The following ZFHX3 variants were observed in gnomAD, a reference collection of about 807,000 sequenced individuals.
ZFHX3 encodes the protein zinc finger homeobox 3.
In ZFHX3, 42 loss-of-function variants were observed where a neutral mutation model predicts 279.1. The ratio of observed to expected loss-of-function variants is 0.15; its 90% CI spans 0.12 to 0.19. The LOEUF is 0.19. Ranked by LOEUF, ZFHX3 falls within the 10% of genes least tolerant of loss-of-function variation. The pLI is 1.00. For synonymous variants in ZFHX3, 2,293 were observed against 1,957.8 expected (o/e 1.17, Z -4.52); for missense variants, 4,981 against 4,754.0 (o/e 1.05, Z -1.40).
chr16:73,028,335 G>C (rs1300823016), intron 1 of ZFHX3, among the ~76,000 whole-genome samples: 1 of 152,160 alleles, frequency 6.6e-6, no homozygotes, highest in Non-Finnish European at 1.5e-5. Flanking sequence ...ATCCATCAAG[G>C]TGCCGGACAG....
At chr16:73,583,241 C>T (rs776779132) in intron 2 of ZFHX3, among the ~76,000 whole-genome samples, 1 of 152,106 alleles carries the variant, frequency 6.6e-6, no homozygotes, top group Non-Finnish European at 1.5e-5. Flanking sequence ...AATATCTATT[C>T]CAGATGAATA....
chr16:73,515,731 A>C (rs917300998), intron 2 of ZFHX3, among the ~76,000 whole-genome samples: 3 of 152,204 alleles, frequency 2.0e-5, no homozygotes, highest in African/African-American at 4.8e-5. Flanking sequence ...ATCTGGGATC[A>C]TTTAAAATCT....
intron 4 of ZFHX3, among the ~76,000 whole-genome samples, chr16:73,310,824 T>A (rs1865202010): frequency 6.6e-6 from 1 of 152,096 alleles, no homozygotes; most frequent in Admixed American, 6.6e-5. Context: ...TGTTTTCAAT[T>A]ATAACTTGAT....
Position 72,796,973 on chromosome 16 carries a change from G to C in ZFHX3, c.5709C>G (p.Thr1903=), listed in dbSNP as rs1388581516. The part of the protein sequence containing the change: ...RDSAEGGEGN[T]GPKETLPDAL... ...CATCTGGCAGTGTTTCCTTCGGACC[G>C]GTGTTGCCCTCTCCCCCCTCGGCGC... The change falls in exon 9 of 10, where the codon ACC becomes ACG. Residue 1903 remains threonine (T), a synonymous_variant. Transcript: ENST00000268489. The C allele has an allele frequency of 6.2e-7, 1 of 1,613,766 alleles. No homozygotes were observed. The highest frequency in any genetic ancestry group is 1.3e-5 in the African/African-American group (1 of 74,812).
intron 8 of ZFHX3, among the ~76,000 whole-genome samples, chr16:73,064,864 C>G (rs528509972): frequency 1.3e-4 from 20 of 152,360 alleles, no homozygotes; most frequent in African/African-American, 4.6e-4. Flanking sequence ...GGGTTCCACA[C>G]CGCCTGCACC....
At chr16:73,424,882 T>A (rs1023918215) in intron 3 of ZFHX3, among the ~76,000 whole-genome samples, 3 of 152,142 alleles carry the variant, frequency 2.0e-5, no homozygotes, top group African/African-American at 7.2e-5. Flanking sequence ...AAAGAGTTCG[T>A]TATTCTATAG....
At chr16:73,258,316 G>A (rs114109403) in intron 4 of ZFHX3, among the ~76,000 whole-genome samples, 391 of 147,808 alleles carry the variant, frequency 2.6e-3, no homozygotes, top group African/African-American at 8.9e-3. Flanking sequence ...TATATTCATC[G>A]TTCCCTATTA....
In ZFHX3 at chr16:72,892,595, C is replaced by T. The variant is rs560234378; in HGVS notation, c.3217-2633G>A. 5.3e-5 allele frequency among the ~76,000 whole-genome samples: 8 copies of T among 151,652 alleles called. No homozygotes were observed. The South Asian group carries it at 1.7e-3, about 32-fold the overall frequency. On this transcript the variant is annotated intron_variant, in intron 3 of 9. Transcript: ENST00000268489. The stretch of plus-strand genomic sequence containing the variant: ...TAATCTTGGCTCATTGCAACCTCTG[C>T]CTCCTGGATTCAAGCAATTCTCCTG...
rs2035856875 is a variant in ZFHX3 at position 72,795,156 on chromosome 16, A to G, written c.7526T>C (p.Leu2509Pro). ...AGGAGTTGATGTGTGGAGGGGCTTG[A>G]GGGGCAGGTGGGAGAGCTGGGAAGG... ...PSPSQLSHLP[L>P]KPLHTSTPQQ... Residue 2509 changes from leucine to proline, a missense_variant, in exon 9 of 10, where the codon CTC becomes CCC. Physicochemically the swap from Leu to Pro is moderately conservative, Grantham distance 98. Coordinates refer to ENST00000268489, the MANE Select transcript of ZFHX3 (RefSeq NM_006885.4). 1 of 1,595,128 alleles carries G rather than the reference A, an allele frequency of 6.3e-7. No homozygotes were observed. The highest frequency in any genetic ancestry group is 1.1e-5 in the South Asian group (1 of 90,220).
At chr16:73,028,786 G>A (rs747574147) in intron 1 of ZFHX3, among the ~76,000 whole-genome samples, 2 of 62,266 alleles carry the variant, frequency 3.2e-5, no homozygotes, top group South Asian at 6.6e-4. Flanking sequence ...CCACAGCCCC[G>A]GGGCACCCAA....
At chr16:73,204,875 C>A (rs959191990) in intron 5 of ZFHX3, among the ~76,000 whole-genome samples, 1 of 152,222 alleles carries the variant, frequency 6.6e-6, no homozygotes, top group Non-Finnish European at 1.5e-5. Context: ...AGTTAGGCAA[C>A]TTGCCCATAG....
chr16:72,931,383 G>A (rs1959788416), intron 3 of ZFHX3, among the ~76,000 whole-genome samples: 1 of 147,908 alleles, frequency 6.8e-6, no homozygotes, highest in South Asian at 2.2e-4. Flanking sequence ...CAGAGATTCT[G>A]GGATTAGCCA....
chr16:73,001,831 G>C (rs898835638), intron 1 of ZFHX3, among the ~76,000 whole-genome samples: 10 of 151,890 alleles, frequency 6.6e-5, no homozygotes, highest in Admixed American at 5.9e-4. Context: ...AAAAAAAAGG[G>C]GGGGAAAGAA....
intron 4 of ZFHX3, among the ~76,000 whole-genome samples, chr16:73,262,921 A>G (rs2013864299): frequency 6.6e-6 from 1 of 152,108 alleles, no homozygotes; most frequent in Non-Finnish European, 1.5e-5. Context: ...CAGCTGGCCG[A>G]CTGCCAGACA....
At chr16:73,355,742 T>G (rs868087756) in intron 3 of ZFHX3, among the ~76,000 whole-genome samples, 2 of 152,316 alleles carry the variant, frequency 1.3e-5, no homozygotes, top group Middle Eastern at 3.4e-3. Flanking sequence ...GGCAAGTCGC[T>G]TCACATCTCA....
At chr16:73,351,245 G>A (rs953595593) in intron 3 of ZFHX3, among the ~76,000 whole-genome samples, 7 of 152,150 alleles carry the variant, frequency 4.6e-5, no homozygotes, top group African/African-American at 1.2e-4. Context: ...CTGGACAAAC[G>A]CCTTCGTTCA....
intron 2 of ZFHX3, among the ~76,000 whole-genome samples, chr16:73,538,782 C>CG (rs2019955333): frequency 6.6e-6 from 1 of 152,182 alleles, no homozygotes; most frequent in Non-Finnish European, 1.5e-5. Flanking sequence ...GATAGATCTG[C>CG]GCTCCTTAGT....
intron 1 of ZFHX3, among the ~76,000 whole-genome samples, chr16:72,988,494 C>CA (rs1362270019): frequency 6.6e-6 from 1 of 152,244 alleles, no homozygotes; most frequent in Non-Finnish European, 1.5e-5. Context: ...TCCAGCCTTC[C>CA]TCTGAGCTCA....
chr16:72,977,285 G>A (rs1012544905), intron 1 of ZFHX3, among the ~76,000 whole-genome samples: 6 of 152,062 alleles, frequency 3.9e-5, no homozygotes, highest in African/African-American at 7.2e-5. Context: ...CAGACGCAGC[G>A]TCTGGCCTCC....
Sources: gnomAD v4.1 joint callset for allele counts (sites outside exome capture counted in the v4.1 genomes callset) on GRCh38, gnomAD v4.1.1 for gene constraint, MANE v1.5 for transcripts, NCBI Gene and HGNC (gene_info 2026-07-23, HGNC 2026-07-21) for gene names.